The following ACLY variants were observed in gnomAD, a reference collection of about 807,000 sequenced individuals.
The protein encoded by ACLY is ATP citrate lyase, also known as ATP-citrate synthase.
Under a neutral mutation model 133.0 loss-of-function variants are expected in ACLY, and 41 were observed. The ratio of observed to expected loss-of-function variants is 0.31; its 90% confidence interval spans 0.24 to 0.40. The LOEUF (loss-of-function observed/expected upper bound fraction) is 0.40, where lower values mean the gene tolerates loss of function less well. Among genes scored for constraint, ACLY ranks in the 10% least tolerant of loss-of-function variants. The pLI, the probability that ACLY is intolerant of heterozygous loss-of-function variation, is 1.00. For missense variants in ACLY, 1,046 were observed against 1,453.8 expected, an observed-to-expected ratio of 0.72 and a Z score of 4.56; for synonymous variants, 495 against 549.3, an observed-to-expected ratio of 0.90 and a Z score of 1.38.
At chr17:41,889,899 C>T (rs1330590150) in intron 16 of ACLY, among the ~76,000 whole-genome samples, 2 of 152,168 alleles carry the variant, frequency 1.3e-5, no homozygotes, top group East Asian at 3.9e-4. Context: ...TCTCGAACTC[C>T]TGACCTCAAA....
In ACLY at chr17:41,867,163, A is replaced by C. The variant is rs2048489038; in HGVS notation, c.*647T>G. 1.3e-5 allele frequency: 2 copies of C among 152,634 alleles called. No homozygotes were observed. Among genetic ancestry groups the C allele is most frequent in the South Asian group, 4.1e-4 (2 of 4,830 alleles). The allele number at this position is 152,634 out of a possible 1,614,324, so 9.5% of individuals were successfully genotyped here. On this transcript the variant is annotated 3_prime_UTR_variant, in exon 29 of 29. Transcript: ENST00000352035. ...TATGTATGTTACAACTTTACATATT[A>C]AGTTACTACTCCACATATTTTGTGA...
intron 25 of ACLY, among the ~76,000 whole-genome samples, chr17:41,870,034 C>G (rs1178635761): frequency 6.6e-6 from 1 of 152,122 alleles, no homozygotes; most frequent in East Asian, 1.9e-4. Context: ...GCAAAGTATT[C>G]CCAAAATTTT....
intron 1 of ACLY, among the ~76,000 whole-genome samples, chr17:41,926,337 A>C (rs1555635958): frequency 1.3e-5 from 2 of 152,186 alleles, no homozygotes; most frequent in Admixed American, 1.3e-4. Flanking sequence ...GCCTGGAGCA[A>C]ACCTTGTCAT....
At chr17:41,911,631 C>A (rs2049903468) in intron 3 of ACLY, among the ~76,000 whole-genome samples, 1 of 152,138 alleles carries the variant, frequency 6.6e-6, no homozygotes, top group Non-Finnish European at 1.5e-5. Flanking sequence ...GCCTGGGTAA[C>A]ATTCAAGACC....
chr17:41,874,114 CAAGA>C (rs1597969538), intron 22 of ACLY, 149 bp from the exon 23 acceptor site: 1 of 878,906 alleles, frequency 1.1e-6, no homozygotes, highest in Non-Finnish European at 1.6e-6. Context: ...AAAGTTTTCC[CAAGA>C]AAGAAGTGCA....
intron 1 of ACLY, 100 bp downstream of exon 1, chr17:41,918,780 G>A (rs1212152344): frequency 1.8e-5 from 22 of 1,250,710 alleles, no homozygotes; most frequent in Non-Finnish European, 2.2e-5. Flanking sequence ...CGTGGGCACC[G>A]AGCCCGCGTC....
chr17:41,897,717 C>G (rs1555630660), intron 13 of ACLY, 32 bp downstream of exon 13: 1 of 1,600,326 alleles, frequency 6.2e-7, no homozygotes, highest in Non-Finnish European at 8.5e-7. Context: ...AAGGCCACTC[C>G]CTGCAACATG....
chr17:41,892,069 C>G (rs1403853607), intron 16 of ACLY, among the ~76,000 whole-genome samples: 3 of 152,158 alleles, frequency 2.0e-5, no homozygotes, highest in Non-Finnish European at 4.4e-5. Context: ...AAGTCACTAT[C>G]CTGACTTCTG....
rs782018231 is a variant in ACLY, at chr17:41,868,699, A to G, written c.3211+10T>C. On this transcript the variant is annotated intron_variant, in intron 28 of 28. Coordinates refer to ENST00000352035, the MANE Select transcript of ACLY (RefSeq NM_001096.3). ...AAAAAAACACTTAAAACAACAACGA[A>G]TGGACTCACCAATGAACCCCATACT... 2.5e-6 allele frequency: 4 copies of G among 1,612,770 alleles called. No individual in the cohort carries two copies. The Admixed American group carries it at 6.7e-5, about 27-fold the overall frequency.
intron 16 of ACLY, among the ~76,000 whole-genome samples, chr17:41,891,074 GC>G (rs2049198249): frequency 6.6e-6 from 1 of 152,072 alleles, no homozygotes; most frequent in African/African-American, 2.4e-5. Context: ...TTACTCTGCT[GC>G]CCAGGCTGGA....
intron 25 of ACLY, among the ~76,000 whole-genome samples, chr17:41,870,985 AC>A (rs1366675585): frequency 2.6e-5 from 4 of 152,082 alleles, no homozygotes; most frequent in African/African-American, 9.7e-5. Flanking sequence ...TGAGACATAA[AC>A]CTTTGCTGTG....
intron 21 of ACLY, 85 bp downstream of exon 21, chr17:41,878,712 G>C (rs782808207): frequency 1.3e-6 from 2 of 1,528,830 alleles, no homozygotes; most frequent in East Asian, 4.5e-5. Context: ...AGGAATACAT[G>C]ATGTCCCTGT....
In ACLY at chr17:41,869,604, C is replaced by G. The variant is rs141387065; in HGVS notation, c.2938-17G>C. The stretch of plus-strand genomic sequence containing the variant: ...GTTGTTTATCTAGAAATGAACCCAA[C>G]GGTACAGAGGAACACTCACACACTG... On this transcript the variant is annotated splice_polypyrimidine_tract_variant and intron_variant, in intron 25 of 28. Coordinates refer to ENST00000352035, the MANE Select transcript of ACLY (RefSeq NM_001096.3). 2.3e-5 allele frequency: 37 copies of G among 1,593,440 alleles called. No individual in the cohort carries two copies. The highest frequency in any genetic ancestry group is 2.2e-5 in the East Asian group (1 of 44,802).
Position 41,909,630 on chromosome 17 carries a change from C to A in ACLY, c.416G>T (p.Gly139Val). 1 of 1,614,124 alleles carries A rather than the reference C, an allele frequency of 6.2e-7. No homozygotes were observed. Among genetic ancestry groups the A allele is most frequent in the Non-Finnish European group, 8.5e-7 (1 of 1,179,978 alleles). ...GGCGTCCACATCACCCACGTCCACA[C>A]CCCCCTCGTGGTGGAACAGGACGTA... ...GDYVLFHHEG[G>V]VDVGDVDAKA... The change falls in exon 5 of 29, where the codon GGT becomes GTT. Residue 139 changes from glycine to valine, a missense_variant. Gly to Val is a moderately radical substitution (Grantham distance 109). Around this residue, in one of 4 missense-constraint regions of ACLY, gnomAD observed 227 missense variants for 245.6 expected, o/e 0.92. Transcript: ENST00000352035.
At chr17:41,909,413 C>T (rs2049827878) in intron 5 of ACLY, 97 bp downstream of exon 5, 2 of 1,379,294 alleles carry the variant, frequency 1.5e-6, no homozygotes, top group Non-Finnish European at 2.0e-6. Flanking sequence ...CACCTGGCTC[C>T]CAGAGAGGAG....
Position 41,883,229 on chromosome 17 carries a change from CA to C in ACLY, c.2157del (p.Ile719MetfsTer55). 1 of 1,613,604 alleles carries C rather than the reference CA, an allele frequency of 6.2e-7. No individual in the cohort carries two copies. The highest frequency in any genetic ancestry group is 8.5e-7 in the Non-Finnish European group (1 of 1,179,868). On this transcript the variant is annotated frameshift_variant and splice_region_variant, in exon 20 of 29. Transcript: ENST00000352035. LOFTEE classifies it high-confidence loss of function. ...CAAATCTTATATTCCTCAGTGCCCC[CA>C]ATCTGCCAAGGAATGGGGAATGAGA... is the stretch of plus-strand genomic sequence containing the variant. ...GVKMIVVLGE[I>X]GGTEEYKICR...
intron 18 of ACLY, among the ~76,000 whole-genome samples, chr17:41,885,578 A>G (rs1304749526): frequency 2.2e-4 from 33 of 152,236 alleles, no homozygotes; most frequent in Admixed American, 2.2e-3. Flanking sequence ...ACTATTATTA[A>G]CTACAATAAA....
rs552045214 is a variant in ACLY at position 41,894,546 on chromosome 17, A to AC, written c.1460-1373dup. Among the ~76,000 whole-genome samples the AC allele has an allele frequency of 8.6e-4, 128 of 149,696 alleles. 1 individual carries two copies. The South Asian group carries it at 0.027, about 31-fold the overall frequency. ...AAACCAGCCACCGCGGCATAGTGAGACCCCACCTCAAAAAAAAAAACAACA... is the reference window on the plus strand; with the variant it reads ...AAACCAGCCACCGCGGCATAGTGAGACCCCCACCTCAAAAAAAAAAACAACA... On this transcript the variant is annotated intron_variant, in intron 14 of 28. Transcript: ENST00000352035.
At chr17:41,903,127 T>G (rs576697511) in intron 10 of ACLY, among the ~76,000 whole-genome samples, 2 of 152,250 alleles carry the variant, frequency 1.3e-5, no homozygotes, top group South Asian at 4.1e-4. Context: ...AGTTTGACAC[T>G]TATCTAGTCA....
Sources: gnomAD v4.1 joint callset for allele counts (sites outside exome capture counted in the v4.1 genomes callset) on GRCh38, gnomAD v4.1.1 for gene constraint, gnomAD v4.1.1 regional missense constraint, MANE v1.5 for transcripts, NCBI Gene and HGNC (gene_info 2026-07-23, HGNC 2026-07-21) for gene names.